FOXRED1: variants seen among roughly 807,000 people sequenced by gnomAD.
FOXRED1 encodes FAD dependent oxidoreductase domain containing 1, also known as FAD-dependent oxidoreductase domain-containing protein 1.
A neutral mutation model predicts 57.8 loss-of-function variants in FOXRED1; 52 were observed. The ratio of observed to expected loss-of-function variants is 0.90; its 90% CI spans 0.72 to 1.13. The LOEUF is 1.13. Ranked by LOEUF, FOXRED1 falls within the 50% of genes most tolerant of loss-of-function variation. FOXRED1 has a pLI of 0.00. For synonymous variants in FOXRED1, 271 were observed against 248.3 expected, an observed-to-expected ratio of 1.09 and a Z score of -0.86; for missense variants, 589 against 625.2, an observed-to-expected ratio of 0.94 and a Z score of 0.62.
In FOXRED1 at chr11:126,277,468, A is replaced by G. The variant is rs371435289; in HGVS notation, c.1240A>G (p.Asn414Asp). The G allele has an allele frequency of 5.6e-6, 9 of 1,613,222 alleles. No individual in the cohort carries two copies. Among genetic ancestry groups the G allele is most frequent in the African/African-American group, 1.3e-5 (1 of 74,878 alleles). The change falls in exon 11 of 11, where the codon AAC (asparagine) becomes GAC (aspartate). Residue 414 changes from asparagine (N) to aspartate (D), a missense_variant. Coordinates refer to ENST00000263578, the MANE Select transcript of FOXRED1 (RefSeq NM_017547.4). This position sits in a 1 kb window ranked among gnomAD's most constrained non-coding sequence, Gnocchi z 6.8. ...QSAWAGYYDY[N>D]TFDQNGVVGP... Reference sequence around the variant, plus strand: ...CGCCTGGGCCGGCTATTACGACTACAACACCTTTGACCAGAATGGCGTGGT... The same window carrying G: ...CGCCTGGGCCGGCTATTACGACTACGACACCTTTGACCAGAATGGCGTGGT...
Position 126,275,291 on chromosome 11 carries a change from C to A in FOXRED1, c.632-36C>A. 1 of 1,428,730 alleles carries A rather than the reference C, an allele frequency of 7.0e-7. No homozygotes were observed. Among genetic ancestry groups the A allele is most frequent in the Non-Finnish European group, 9.9e-7 (1 of 1,010,862 alleles). The allele number at this position is 1,428,730 out of a possible 1,614,324, so 88.5% of individuals were successfully genotyped here. ...AATACAATCCAAGAGCAGAAGTCCT[C>A]ATCCCTCTTTGTGAGTTCTCTTTTT... On this transcript the variant is annotated intron_variant, in intron 5 of 10. Coordinates refer to ENST00000263578, the MANE Select transcript of FOXRED1 (RefSeq NM_017547.4). This position sits in a 1 kb window ranked among gnomAD's most constrained non-coding sequence, Gnocchi z 5.9.
intron 1 of FOXRED1, chr11:126,270,938 T>G: frequency 9.8e-6 from 2 of 203,086 alleles, no homozygotes; most frequent in South Asian, 8.2e-5. Context: ...AGGGGACAGA[T>G]TGAGGAGTTA....
rs1296948086 is a variant in FOXRED1, at chr11:126,275,793, G to C, written c.734-1G>C. 6.2e-7 allele frequency: 1 copy of C among 1,606,416 alleles called. No individual in the cohort carries two copies. Among genetic ancestry groups the C allele is most frequent in the African/African-American group, 1.3e-5 (1 of 74,724 alleles). On this transcript the variant is annotated splice_acceptor_variant, in intron 6 of 10. Coordinates refer to ENST00000263578, the MANE Select transcript of FOXRED1 (RefSeq NM_017547.4). LOFTEE classifies it high-confidence loss of function. This position sits in a 1 kb window ranked among gnomAD's most constrained non-coding sequence, Gnocchi z 5.9. ...CCTATTTTTCATTTTCTTCTCTGCA[G>C]GTTTTGTCTCTTCATCTCAACGCAT...
Position 126,277,488 on chromosome 11 carries a change from C to T in FOXRED1, c.1260C>T (p.Gly420=), listed in dbSNP as rs537966371. 3.7e-6 allele frequency: 6 copies of T among 1,613,528 alleles called. No individual in the cohort carries two copies. The highest frequency in any genetic ancestry group is 2.7e-5 in the African/African-American group (2 of 75,054). ...ACTACAACACCTTTGACCAGAATGGCGTGGTGGGCCCCCACCCGCTAGTTG... is the reference window on the plus strand; with the variant it reads ...ACTACAACACCTTTGACCAGAATGGTGTGGTGGGCCCCCACCCGCTAGTTG... ...YYDYNTFDQN[G]VVGPHPLVVN... The change falls in exon 11 of 11, where the codon GGC becomes GGT. Residue 420 remains glycine, a synonymous_variant. Coordinates refer to ENST00000263578, the MANE Select transcript of FOXRED1 (RefSeq NM_017547.4). This position sits in a 1 kb window ranked among gnomAD's most constrained non-coding sequence, Gnocchi z 6.8.
chr11:126,269,361 G>A, intron 1 of FOXRED1, 70 bp downstream of exon 1: 1 of 1,612,646 alleles, frequency 6.2e-7, no homozygotes. Flanking sequence ...GTGTCCTTCA[G>A]GACCCGAAAC....
In FOXRED1 at chr11:126,272,679, A is replaced by C. The variant is rs1323413790; in HGVS notation, c.307-290A>C. 1 of 510,548 alleles carries C rather than the reference A, an allele frequency of 2.0e-6. No homozygotes were observed. The highest frequency in any genetic ancestry group is 1.9e-5 in the African/African-American group (1 of 51,862). The allele number at this position is 510,548 out of a possible 1,614,324, so 31.6% of individuals were successfully genotyped here. On this transcript the variant is annotated intron_variant, in intron 2 of 10. Transcript: ENST00000263578. The surrounding 1 kb of genome is among the most constrained non-coding windows in gnomAD (Gnocchi z 4.6). ...TTCAATCATAACCTTTCATTTCCCA[A>C]ATGGTAGGTCAAACGTTAATCGCCT...
Position 126,274,965 on chromosome 11 carries a change from A to T in FOXRED1, c.575A>T (p.Gln192Leu). Reference protein sequence around the residue: ...GAKVSLMSPDQLRNKFPWINT... With the variant: ...GAKVSLMSPDLLRNKFPWINT... ...AAAGTTTCTCTGATGTCTCCTGATC[A>T]GCTTCGGAACAAGTTTCCCTGGATA... The change falls in exon 5 of 11, where the codon CAG becomes CTG. Residue 192 changes from glutamine (Q) to leucine (L), a missense_variant. Transcript: ENST00000263578. The surrounding 1 kb of genome is among the most constrained non-coding windows in gnomAD (Gnocchi z 4.8). 1.2e-6 allele frequency: 2 copies of T among 1,613,846 alleles called. No individual in the cohort carries two copies. The highest frequency in any genetic ancestry group is 8.5e-7 in the Non-Finnish European group (1 of 1,179,746).
At chr11:126,276,995 C>T in intron 9 of FOXRED1, 76 bp from the exon 10 acceptor site, 2 of 915,098 alleles carry the variant, frequency 2.2e-6, no homozygotes, top group Non-Finnish European at 3.7e-6. Context: ...CCTACCTGCA[C>T]AGGGATTGTT....
chr11:126,271,277 C>A lies in FOXRED1; in HGVS notation c.86-160C>A. The A allele has an allele frequency of 1.5e-6, 1 of 678,494 alleles. No homozygotes were observed. Among genetic ancestry groups the A allele is most frequent in the Non-Finnish European group, 2.7e-6 (1 of 371,108 alleles). 42.0% of individuals were successfully genotyped at this position (678,494 alleles called of 1,614,324 possible). A position where few individuals can be genotyped will look rare whatever the true frequency, so the allele number is the denominator to read the frequency against. ...ATGTGGACTATTCAGAAAACTGTGG[C>A]AACACTGTTGGGTGCAAGGTGACCT... On this transcript the variant is annotated intron_variant, in intron 1 of 10. Transcript: ENST00000263578. The surrounding 1 kb of genome is among the most constrained non-coding windows in gnomAD (Gnocchi z 5.3).
chr11:126,276,292 T>TGC, intron 8 of FOXRED1, 73 bp downstream of exon 8: 1 of 4,640 alleles, frequency 2.2e-4, no homozygotes, highest in Non-Finnish European at 4.1e-4. Context: ...ATAGCGTGTG[T>TGC]GTGTGTGTGT....
Position 126,275,893 on chromosome 11 carries a change from C to A in FOXRED1, c.810+23C>A. The A allele has an allele frequency of 6.3e-7, 1 of 1,582,766 alleles. No individual in the cohort carries two copies. Among genetic ancestry groups the A allele is most frequent in the South Asian group, 1.1e-5 (1 of 90,430 alleles). ...CATGTAAGTTTCTAGTCTGTGATGT[C>A]CTTTACCAAAATGGAGGGACAGGGA... is the stretch of plus-strand genomic sequence containing the variant. On this transcript the variant is annotated intron_variant, in intron 7 of 10. Transcript: ENST00000263578. The surrounding 1 kb of genome is among the most constrained non-coding windows in gnomAD (Gnocchi z 5.9).
At position 126,269,197 on chromosome 11, in the gene FOXRED1, C is replaced by T. The variant is rs915682719; in HGVS notation, c.-10C>T. 2 of 1,607,332 alleles carry T rather than the reference C, an allele frequency of 1.2e-6. No homozygotes were observed. Among genetic ancestry groups the T allele is most frequent in the South Asian group, 1.1e-5 (1 of 90,928 alleles). On this transcript the variant is annotated 5_prime_UTR_variant, in exon 1 of 11. Coordinates refer to ENST00000263578, the MANE Select transcript of FOXRED1 (RefSeq NM_017547.4). ...GTGCAGCTTTCAGAGGGTCCGGGCT[C>T]AGAGGGGTTATGATTCGGAGGGTTC...
chr11:126,274,644 T>TG lies in FOXRED1; in HGVS notation c.537-282dup, dbSNP rs1274088823. Reference sequence around the variant, plus strand: ...GCCTGGGTGACAGAGCCAGACTCATTGAAAAAAAAAAAAAGAAGTCATGGA... The same window carrying TG: ...GCCTGGGTGACAGAGCCAGACTCATTGGAAAAAAAAAAAAAGAAGTCATGGA... On this transcript the variant is annotated intron_variant, in intron 4 of 10. Coordinates refer to ENST00000263578, the MANE Select transcript of FOXRED1 (RefSeq NM_017547.4). The surrounding 1 kb of genome is among the most constrained non-coding windows in gnomAD (Gnocchi z 4.8). 8 of 400,138 alleles carry TG rather than the reference T, an allele frequency of 2.0e-5. No individual in the cohort carries two copies. The Admixed American group carries it at 2.2e-4, about 11-fold the overall frequency. 24.8% of individuals were successfully genotyped at this position (400,138 alleles called of 1,614,324 possible).
chr11:126,277,154 C>T lies in FOXRED1; in HGVS notation c.1185C>T (p.Val395=). 2 of 1,610,452 alleles carry T rather than the reference C, an allele frequency of 1.2e-6. No homozygotes were observed. Among genetic ancestry groups the T allele is most frequent in the Non-Finnish European group, 8.5e-7 (1 of 1,176,966 alleles). The change falls in exon 10 of 11, where the codon GTC becomes GTT. Residue 395 remains valine (V), a synonymous_variant. Transcript: ENST00000263578. This position sits in a 1 kb window ranked among gnomAD's most constrained non-coding sequence, Gnocchi z 6.8. The stretch of plus-strand genomic sequence containing the variant: ...TGTGGCCCCATTTGGCCCTGAGGGT[C>T]CCAGCTTTTGAGACTCTGAAGGTAA... ...DKVWPHLALR[V]PAFETLKVQS... is the part of the protein sequence containing the mutation.
rs367938377 is a variant in FOXRED1, at chr11:126,276,142, C to T, written c.894C>T (p.Ile298=). The T allele has an allele frequency of 1.2e-5, 19 of 1,612,110 alleles. No individual in the cohort carries two copies. The highest frequency in any genetic ancestry group is 5.0e-5 in the Admixed American group (3 of 59,920). The change falls in exon 8 of 11, where the codon ATC becomes ATT. Residue 298 remains isoleucine, a synonymous_variant. Transcript: ENST00000263578. ...INAAGAWSAQ[I]AALAGVGEGP... is the part of the protein sequence containing the mutation. ...CAGCCGGAGCCTGGTCTGCGCAAAT[C>T]GCAGCACTGGCTGGTGTTGGAGAGG...
In FOXRED1 at chr11:126,277,862, C is replaced by T. The variant is rs1478624812; in HGVS notation, c.*173C>T. The T allele has an allele frequency of 1.3e-6, 1 of 742,918 alleles. No homozygotes were observed. The highest frequency in any genetic ancestry group is 1.4e-5 in the South Asian group (1 of 69,082). 46.0% of individuals were successfully genotyped at this position (742,918 alleles called of 1,614,324 possible). On this transcript the variant is annotated 3_prime_UTR_variant, in exon 11 of 11. Transcript: ENST00000263578. This position sits in a 1 kb window ranked among gnomAD's most constrained non-coding sequence, Gnocchi z 6.8. ...GGCTGGGCAGGCACAGGCAGTGAGG[C>T]CGAGGCCAATAGCGAGTGATGAGCG...
rs940320954 is a variant in FOXRED1 at position 126,271,844 on chromosome 11, C to A, written c.306+187C>A. The A allele has an allele frequency of 9.6e-6, 6 of 627,672 alleles. No individual in the cohort carries two copies. Among genetic ancestry groups the A allele is most frequent in the African/African-American group, 5.4e-5 (3 of 55,092 alleles). The allele number at this position is 627,672 out of a possible 1,614,324, so 38.9% of individuals were successfully genotyped here. A position where few individuals can be genotyped will look rare whatever the true frequency, so the allele number is the denominator to read the frequency against. ...GATCTTCCTCAGTCGAACCAGGAAG[C>A]TTGGCAATAAGGTTTGTTCTTTTGA... On this transcript the variant is annotated intron_variant, in intron 2 of 10. Coordinates refer to ENST00000263578, the MANE Select transcript of FOXRED1 (RefSeq NM_017547.4). This position sits in a 1 kb window ranked among gnomAD's most constrained non-coding sequence, Gnocchi z 5.3.
At chr11:126,270,565 G>C (rs1248428228) in intron 1 of FOXRED1, among the ~76,000 whole-genome samples, 2 of 152,222 alleles carry the variant, frequency 1.3e-5, no homozygotes, top group Non-Finnish European at 2.9e-5. Context: ...TTTAAAAGCA[G>C]AGAGCATATG....
At position 126,278,030 on chromosome 11, in the gene FOXRED1, C is replaced by T. The variant is rs1286399651; in HGVS notation, c.*341C>T. On this transcript the variant is annotated 3_prime_UTR_variant, in exon 11 of 11. Coordinates refer to ENST00000263578, the MANE Select transcript of FOXRED1 (RefSeq NM_017547.4). This position sits in a 1 kb window ranked among gnomAD's most constrained non-coding sequence, Gnocchi z 4.8. ...CCTCTGACCCTCTTAGCAGACAGAG[C>T]CCAGGCATGGGAGCACTCTGGGGCA... 1.7e-5 allele frequency: 9 copies of T among 537,622 alleles called. No homozygotes were observed. Among genetic ancestry groups the T allele is most frequent in the African/African-American group, 1.5e-4 (8 of 53,310 alleles). The allele number at this position is 537,622 out of a possible 1,614,324, so 33.3% of individuals were successfully genotyped here. A position where few individuals can be genotyped will look rare whatever the true frequency, so the allele number is the denominator to read the frequency against.
Sources: allele counts gnomAD v4.1 joint callset (sites outside exome capture counted in the v4.1 genomes callset), GRCh38; gene constraint gnomAD v4.1.1; non-coding constraint Gnocchi (gnomAD v3.1); transcripts MANE v1.5; gene names NCBI Gene and HGNC (gene_info 2026-07-23, HGNC 2026-07-21).